Variants in LUZP2 observed in about 807,000 individuals in gnomAD.
LUZP2 encodes the protein leucine zipper protein 2.
In LUZP2, 52 loss-of-function variants were observed where a neutral mutation model predicts 51.6. That is an observed-to-expected ratio of 1.01 (90% CI 0.81 to 1.27). The LOEUF (loss-of-function observed/expected upper bound fraction) is 1.27. Ranked by LOEUF, LUZP2 falls within the 50% of genes most tolerant of loss-of-function variation. The probability of loss-of-function intolerance (pLI) is 0.00; values close to 1 mark genes in which losing one functional copy is unlikely to be tolerated. For synonymous variants in LUZP2, 154 were observed against 137.3 expected (o/e 1.12, Z -0.85); for missense variants, 436 against 395.4 (o/e 1.10, Z -0.87).
chr11:25,019,380 G>T (rs541042521), intron 9 of LUZP2, among the ~76,000 whole-genome samples: 115 of 152,162 alleles, frequency 7.6e-4, no homozygotes, highest in African/African-American at 2.7e-3. Flanking sequence ...TTAACTTTTT[G>T]TGAATGATAT....
At chr11:24,873,642 A>G (rs1361552684) in intron 5 of LUZP2, among the ~76,000 whole-genome samples, 3 of 151,904 alleles carry the variant, frequency 2.0e-5, no homozygotes, top group East Asian at 1.9e-4. Context: ...GAGGTGGCCA[A>G]GCTTAAACTG....
chr11:24,750,787 C>T (rs958419478), intron 4 of LUZP2, among the ~76,000 whole-genome samples: 6 of 152,062 alleles, frequency 3.9e-5, no homozygotes, highest in Non-Finnish European at 8.8e-5. Context: ...GTACAATATA[C>T]ACATACATGT....
chr11:24,826,427 A>G (rs1273488583), intron 5 of LUZP2, among the ~76,000 whole-genome samples: 4 of 151,824 alleles, frequency 2.6e-5, no homozygotes, highest in East Asian at 3.9e-4. Flanking sequence ...ATCAAATGTC[A>G]TACAGAAGAC....
At chr11:24,957,056 T>G (rs143356704) in intron 7 of LUZP2, among the ~76,000 whole-genome samples, 12 of 152,252 alleles carry the variant, frequency 7.9e-5, no homozygotes, top group African/African-American at 2.9e-4. Context: ...AAGTGTGCCA[T>G]GGACTGAAGT....
At chr11:24,897,387 T>A (rs1385356502) in intron 5 of LUZP2, among the ~76,000 whole-genome samples, 1 of 152,226 alleles carries the variant, frequency 6.6e-6, no homozygotes, top group Non-Finnish European at 1.5e-5. Flanking sequence ...TCTTTGGGTC[T>A]GCGTTGTTTT....
chr11:24,625,885 A>G (rs967678182), intron 1 of LUZP2, among the ~76,000 whole-genome samples: 1 of 151,310 alleles, frequency 6.6e-6, no homozygotes, highest in African/African-American at 2.4e-5. Context: ...GACCAACAGG[A>G]GTACAGCATG....
chr11:24,581,050 G>A (rs1020908383), intron 1 of LUZP2, among the ~76,000 whole-genome samples: 13 of 151,970 alleles, frequency 8.6e-5, no homozygotes, highest in Admixed American at 2.0e-4. Flanking sequence ...AAGCTCTGAG[G>A]CAGTTTTAGT....
At chr11:25,022,026 G>A (rs1027928277) in intron 9 of LUZP2, among the ~76,000 whole-genome samples, 1 of 151,934 alleles carries the variant, frequency 6.6e-6, no homozygotes, top group East Asian at 1.9e-4. Context: ...GGTTAGAAAT[G>A]TTTTTCCCTC....
chr11:24,680,535 T>G (rs1856699209), intron 1 of LUZP2, among the ~76,000 whole-genome samples: 1 of 152,200 alleles, frequency 6.6e-6, no homozygotes, highest in Non-Finnish European at 1.5e-5. Flanking sequence ...GGTGTCTCAA[T>G]GTCATACAGG....
chr11:24,897,894 C>T lies in LUZP2; in HGVS notation c.397-8097C>T, dbSNP rs1321336312. Among the ~76,000 whole-genome samples, 5 of 152,014 alleles carry T rather than the reference C, an allele frequency of 3.3e-5. No individual in the cohort carries two copies. The East Asian group carries it at 9.6e-4, about 29-fold the overall frequency. On this transcript the variant is annotated intron_variant, in intron 5 of 11. Coordinates refer to ENST00000336930, the MANE Select transcript of LUZP2 (RefSeq NM_001009909.4). ...TCTTTGTCCTCTTCCTTTTGCCTTG[C>T]CTTTAACATGGATTCCTACGCTTTC... is the stretch of plus-strand genomic sequence containing the variant.
In LUZP2 at chr11:24,874,580, C is replaced by T. The variant is rs969388137; in HGVS notation, c.397-31411C>T. 3.3e-5 allele frequency among the ~76,000 whole-genome samples: 5 copies of T among 152,240 alleles called. No homozygotes were observed. In the South Asian group the frequency reaches 1.0e-3, roughly 32 times the overall value. ...ACTTGACTGCAGCACAGCCATATCC[C>T]TAATAGCCCCAGTGTAAGAAATATT... is the stretch of plus-strand genomic sequence containing the variant. On this transcript the variant is annotated intron_variant, in intron 5 of 11. Transcript: ENST00000336930.
At chr11:24,737,632 C>T (rs1203073928) in intron 3 of LUZP2, among the ~76,000 whole-genome samples, 1 of 152,082 alleles carries the variant, frequency 6.6e-6, no homozygotes, top group Non-Finnish European at 1.5e-5. Context: ...TTATGTGCTA[C>T]TGAGCTTGAG....
At chr11:24,570,182 A>T (rs1038241663) in intron 1 of LUZP2, among the ~76,000 whole-genome samples, 4 of 152,038 alleles carry the variant, frequency 2.6e-5, no homozygotes, top group Non-Finnish European at 4.4e-5. Flanking sequence ...TTCTTATTGA[A>T]TCATAGACGA....
At chr11:24,643,924 T>C (rs1415582564) in intron 1 of LUZP2, among the ~76,000 whole-genome samples, 1 of 152,214 alleles carries the variant, frequency 6.6e-6, no homozygotes, top group Non-Finnish European at 1.5e-5. Context: ...TTATTCGTAA[T>C]GTAATGATGT....
intron 1 of LUZP2, among the ~76,000 whole-genome samples, chr11:24,606,542 C>G (rs1449909843): frequency 6.6e-6 from 1 of 151,980 alleles, no homozygotes; most frequent in African/African-American, 2.4e-5. Flanking sequence ...TTTCATCAAT[C>G]TTTCCAAAGA....
At chr11:24,769,770 A>G (rs80123848) in intron 5 of LUZP2, among the ~76,000 whole-genome samples, 9,237 of 146,768 alleles carry the variant, frequency 0.063, 691 homozygotes, top group African/African-American at 0.18. Context: ...TGAAATAGGG[A>G]ATCACACTAA....
chr11:24,939,251 G>A (rs942597386), intron 7 of LUZP2, among the ~76,000 whole-genome samples: 2 of 151,822 alleles, frequency 1.3e-5, no homozygotes, highest in Non-Finnish European at 2.9e-5. Flanking sequence ...AACTTTTTTT[G>A]TTCACTCAAC....
chr11:24,602,224 G>GCA (rs1565020852), intron 1 of LUZP2, among the ~76,000 whole-genome samples: 1 of 17,006 alleles, frequency 5.9e-5, no homozygotes, highest in African/African-American at 8.9e-5. Context: ...ATGTATATAT[G>GCA]TACATATATG....
At chr11:24,633,939 CGT>C (rs67250902) in intron 1 of LUZP2, among the ~76,000 whole-genome samples, 1,588 of 148,160 alleles carry the variant, frequency 0.011, 10 homozygotes, top group Non-Finnish European at 0.013. Context: ...GTCTAACACA[CGT>C]GTGTGTGTGT....
Sources: gnomAD v4.1 joint callset for allele counts (sites outside exome capture counted in the v4.1 genomes callset) on GRCh38, gnomAD v4.1.1 for gene constraint, MANE v1.5 for transcripts, NCBI Gene and HGNC (gene_info 2026-07-23, HGNC 2026-07-21) for gene names.